MAN1A1: variants seen among roughly 807,000 people sequenced by gnomAD.
The protein encoded by MAN1A1 is mannosyl-oligosaccharide 1,2-alpha-mannosidase IA.
In MAN1A1, 29 loss-of-function variants were observed where a neutral mutation model predicts 70.8. That is an observed-to-expected ratio of 0.41 (90% confidence interval 0.31 to 0.56). MAN1A1 has a LOEUF of 0.56. Among genes scored for constraint, MAN1A1 ranks in the 20% least tolerant of loss-of-function variants. The pLI, the probability that MAN1A1 is intolerant of heterozygous loss-of-function variation, is 0.29. For synonymous variants in MAN1A1, 349 were observed against 330.1 expected, an observed-to-expected ratio of 1.06 and a Z score of -0.62; for missense variants, 747 against 841.3, an observed-to-expected ratio of 0.89 and a Z score of 1.39.
At chr6:119,264,419 A>C (rs1229280577) in intron 5 of MAN1A1, among the ~76,000 whole-genome samples, 1 of 152,242 alleles carries the variant, frequency 6.6e-6, no homozygotes, top group Non-Finnish European at 1.5e-5. Context: ...AATTGTTAAT[A>C]ATCTTTAGTC....
chr6:119,239,293 C>T lies in MAN1A1; in HGVS notation c.992+8967G>A, dbSNP rs146373375. Among the ~76,000 whole-genome samples the T allele has an allele frequency of 6.7e-3, 1,019 of 152,296 alleles. 10 individuals are homozygous for T. The highest frequency in any genetic ancestry group is 9.9e-3 in the Non-Finnish European group (672 of 68,008). The stretch of plus-strand genomic sequence containing the variant: ...CACCAAATTGCACTGCCTGTACTTA[C>T]GCGCAGCTGCACATTAATTTCCAGA... On this transcript the variant is annotated intron_variant, in intron 6 of 12. Transcript: ENST00000368468.
intron 5 of MAN1A1, among the ~76,000 whole-genome samples, chr6:119,249,624 T>C (rs1346762565): frequency 6.6e-6 from 1 of 152,062 alleles, no homozygotes; most frequent in East Asian, 1.9e-4. Context: ...AAGCATTCAC[T>C]AAAGCAATCG....
chr6:119,279,725 G>A (rs891982166), intron 5 of MAN1A1, among the ~76,000 whole-genome samples: 4 of 152,062 alleles, frequency 2.6e-5, no homozygotes, highest in East Asian at 1.9e-4. Flanking sequence ...CTTCTCCTCC[G>A]CTTTCTCATA....
At chr6:119,227,560 C>T (rs1338171721) in intron 6 of MAN1A1, among the ~76,000 whole-genome samples, 1 of 152,182 alleles carries the variant, frequency 6.6e-6, no homozygotes, top group Non-Finnish European at 1.5e-5. Context: ...TCATTGCAGC[C>T]TTGACCTCAA....
At position 119,241,948 on chromosome 6, in the gene MAN1A1, ATG is replaced by A. The variant is rs879398838; in HGVS notation, c.992+6310_992+6311del. 3.8e-3 allele frequency among the ~76,000 whole-genome samples: 101 copies of A among 26,326 alleles called. No individual in the cohort carries two copies. In the East Asian group the frequency reaches 0.15, roughly 40 times the overall value. The allele number at this position is 26,326 out of a possible 152,430, so 17.3% of individuals were successfully genotyped here. ...TTTGTGTATGTGTGTGTGTGTATGT[ATG>A]TGTGTGTGTGTGTGTGTGTGTGTAT... On this transcript the variant is annotated intron_variant, in intron 6 of 12. Transcript: ENST00000368468.
chr6:119,268,153 T>G (rs1293984251), intron 5 of MAN1A1, among the ~76,000 whole-genome samples: 1 of 152,234 alleles, frequency 6.6e-6, no homozygotes, highest in Non-Finnish European at 1.5e-5. Context: ...CTTTTATCAT[T>G]TCACTTTCAT....
chr6:119,225,313 G>C (rs1406356915), intron 6 of MAN1A1, among the ~76,000 whole-genome samples: 1 of 152,022 alleles, frequency 6.6e-6, no homozygotes, highest in Non-Finnish European at 1.5e-5. Context: ...GAGGTGGGAG[G>C]ATCACTTGAT....
At chr6:119,250,293 C>T (rs190272381) in intron 5 of MAN1A1, among the ~76,000 whole-genome samples, 1 of 152,180 alleles carries the variant, frequency 6.6e-6, no homozygotes, top group South Asian at 2.1e-4. Flanking sequence ...AATTAAAACA[C>T]CAAGTTGGAT....
At chr6:119,321,758 C>T (rs1028842483) in intron 2 of MAN1A1, among the ~76,000 whole-genome samples, 3 of 152,068 alleles carry the variant, frequency 2.0e-5, no homozygotes, top group Admixed American at 2.0e-4. Context: ...GGTGGGACTA[C>T]AGGCATGTAC....
At position 119,290,766 on chromosome 6, in the gene MAN1A1, A is replaced by G. The variant is rs781782030; in HGVS notation, c.817-3T>C. On this transcript the variant is annotated splice_region_variant and splice_polypyrimidine_tract_variant and intron_variant, in intron 4 of 12. Transcript: ENST00000368468. ...TCAAAGACAGAAATTTCAGCATTCTATGGAAAAAAAAAATTCAAACATGAT... is the reference window on the plus strand; with the variant it reads ...TCAAAGACAGAAATTTCAGCATTCTGTGGAAAAAAAAAATTCAAACATGAT... The G allele has an allele frequency of 3.8e-6, 6 of 1,596,254 alleles. No individual in the cohort carries two copies. Among genetic ancestry groups the G allele is most frequent in the Non-Finnish European group, 4.3e-6 (5 of 1,165,782 alleles).
intron 2 of MAN1A1, among the ~76,000 whole-genome samples, chr6:119,345,966 T>G (rs1199250488): frequency 6.6e-6 from 1 of 151,926 alleles, no homozygotes; most frequent in East Asian, 1.9e-4. Flanking sequence ...ATTAGCTGGG[T>G]GTGGTGGCAC....
At chr6:119,253,974 C>T (rs1032253407) in intron 5 of MAN1A1, among the ~76,000 whole-genome samples, 1 of 152,178 alleles carries the variant, frequency 6.6e-6, no homozygotes, top group African/African-American at 2.4e-5. Flanking sequence ...GAATCAACTT[C>T]AATCTCAATG....
At chr6:119,263,479 C>T (rs768054207) in intron 5 of MAN1A1, among the ~76,000 whole-genome samples, 1 of 152,058 alleles carries the variant, frequency 6.6e-6, no homozygotes, top group Non-Finnish European at 1.5e-5. Context: ...AAGAAAGGAA[C>T]CACAGACACC....
At chr6:119,304,635 T>C (rs926236028) in intron 3 of MAN1A1, among the ~76,000 whole-genome samples, 4 of 152,164 alleles carry the variant, frequency 2.6e-5, no homozygotes, top group African/African-American at 9.7e-5. Flanking sequence ...CCAGTCTTAC[T>C]CTGTCTAGGA....
At chr6:119,187,472 C>A (rs1332282697) in intron 11 of MAN1A1, among the ~76,000 whole-genome samples, 1 of 152,136 alleles carries the variant, frequency 6.6e-6, no homozygotes, top group Non-Finnish European at 1.5e-5. Context: ...TTTAAAATGA[C>A]TGATGATTAA....
At chr6:119,326,181 C>T (rs747547029) in intron 2 of MAN1A1, among the ~76,000 whole-genome samples, 17 of 152,160 alleles carry the variant, frequency 1.1e-4, no homozygotes, top group East Asian at 3.9e-4. Context: ...CTGCTTGAGC[C>T]GGCTGCTCCC....
chr6:119,347,307 C>T (rs571565636), intron 2 of MAN1A1, among the ~76,000 whole-genome samples: 1 of 152,328 alleles, frequency 6.6e-6, no homozygotes, highest in Admixed American at 6.5e-5. Context: ...AATCTGTTTA[C>T]TCTCTGAAAA....
intron 11 of MAN1A1, among the ~76,000 whole-genome samples, chr6:119,180,978 T>A (rs1773137632): frequency 6.6e-6 from 1 of 152,224 alleles, no homozygotes; most frequent in African/African-American, 2.4e-5. Flanking sequence ...CCTTTAGTTT[T>A]GGAAAAATTT....
chr6:119,348,311 AG>A, intron 2 of MAN1A1, 151 bp downstream of exon 2: 1 of 745,774 alleles, frequency 1.3e-6, no homozygotes, highest in Non-Finnish European at 2.1e-6. Context: ...AAACAGGAAA[AG>A]AAAGAGCTTT....
Sources: gnomAD v4.1 joint callset for allele counts (sites outside exome capture counted in the v4.1 genomes callset) on GRCh38, gnomAD v4.1.1 for gene constraint, MANE v1.5 for transcripts, NCBI Gene and HGNC (gene_info 2026-07-23, HGNC 2026-07-21) for gene names.